The following PMPCA variants were observed in gnomAD, a reference collection of about 807,000 sequenced individuals.
PMPCA encodes the protein peptidase, mitochondrial processing subunit alpha.
A neutral mutation model predicts 59.3 loss-of-function variants in PMPCA; 47 were observed. The ratio of observed to expected loss-of-function variants is 0.79; its 90% CI spans 0.63 to 1.01. PMPCA has a LOEUF of 1.01. PMPCA is among the 50% of genes least tolerant of loss of function. PMPCA has a pLI of 0.00. For missense variants in PMPCA, 726 were observed against 704.5 expected, an observed-to-expected ratio of 1.03 and a Z score of -0.34; for synonymous variants, 338 against 290.3, an observed-to-expected ratio of 1.16 and a Z score of -1.67.
Position 136,412,843 on chromosome 9 carries a change from C to A in PMPCA, c.388C>A (p.Leu130Met). 6.2e-7 allele frequency: 1 copy of A among 1,609,592 alleles called. No individual in the cohort carries two copies. Among genetic ancestry groups the A allele is most frequent in the Non-Finnish European group, 8.5e-7 (1 of 1,175,928 alleles). The part of the protein sequence containing the change: ...TARFDSKDEI[L>M]LTLEKHGGIC... ...TCGATTTGACAGCAAAGATGAAATT[C>A]TGCTTACGTTGGAAAAGCATGGGGG... The change falls in exon 4 of 13, where the codon CTG becomes ATG. Residue 130 changes from leucine to methionine, a missense_variant. By Grantham distance (15) the Leu-to-Met change is conservative. Coordinates refer to ENST00000371717, the MANE Select transcript of PMPCA (RefSeq NM_015160.3).
At chr9:136,421,808 C>T (rs776213450) in intron 11 of PMPCA, 24 bp from the exon 12 acceptor site, 5 of 1,568,382 alleles carry the variant, frequency 3.2e-6, no homozygotes, top group African/African-American at 1.3e-5. Context: ...GGTGTGTGCT[C>T]ACCTGACTGG....
At position 136,416,873 on chromosome 9, in the gene PMPCA, G is replaced by A. The variant is rs745456517; in HGVS notation, c.634-78G>A. ...GATTTTCCCAGGGCTGGCTGCAGAT[G>A]GGCGCTGGTGCTGCTTGTTGGAGGA... is the stretch of plus-strand genomic sequence containing the variant. On this transcript the variant is annotated intron_variant, in intron 6 of 12. Coordinates refer to ENST00000371717, the MANE Select transcript of PMPCA (RefSeq NM_015160.3). The A allele has an allele frequency of 3.6e-6, 5 of 1,396,982 alleles. No homozygotes were observed. In the East Asian group the frequency reaches 9.3e-5, roughly 26 times the overall value. The allele number at this position is 1,396,982 out of a possible 1,614,324, so 86.5% of individuals were successfully genotyped here.
chr9:136,416,380 A>G lies in PMPCA; in HGVS notation c.622A>G (p.Met208Val), dbSNP rs1351789649. The G allele has an allele frequency of 7.4e-6, 12 of 1,611,206 alleles. No homozygotes were observed. Among genetic ancestry groups the G allele is most frequent in the Non-Finnish European group, 1.0e-5 (12 of 1,177,488 alleles). ...RPDPEPLLTE[M>V]IHEAAYRENT... ...TGACCCAGAGCCACTTCTCACCGAG[A>G]TGATTCATGAAGTAAAATGTCAAAC... is the stretch of plus-strand genomic sequence containing the variant. Residue 208 changes from methionine to valine, a missense_variant, in exon 6 of 13, where the codon ATG becomes GTG. Coordinates refer to ENST00000371717, the MANE Select transcript of PMPCA (RefSeq NM_015160.3).
chr9:136,413,986 T>C (rs1270091258), intron 4 of PMPCA, among the ~76,000 whole-genome samples: 1 of 152,232 alleles, frequency 6.6e-6, no homozygotes, highest in East Asian at 1.9e-4. Flanking sequence ...GCCTGTCCCA[T>C]GGGCCAGCTC....
chr9:136,414,494 G>A lies in PMPCA; in HGVS notation c.438-59G>A, dbSNP rs1835218212. On this transcript the variant is annotated intron_variant, in intron 4 of 12. Transcript: ENST00000371717. The stretch of plus-strand genomic sequence containing the variant: ...GGCACGCAAAGCCCGAGCGTCCCCT[G>A]GCTGTTAAGCAGAGTGTGAGTTCAG... 5 of 1,156,388 alleles carry A rather than the reference G, an allele frequency of 4.3e-6. No homozygotes were observed. The South Asian group carries it at 6.1e-5, about 14-fold the overall frequency. The allele number at this position is 1,156,388 out of a possible 1,614,324, so 71.6% of individuals were successfully genotyped here. A position where few individuals can be genotyped will look rare whatever the true frequency, so the allele number is the denominator to read the frequency against.
intron 7 of PMPCA, among the ~76,000 whole-genome samples, chr9:136,417,745 C>T (rs1003662510): frequency 6.6e-6 from 1 of 152,024 alleles, no homozygotes; most frequent in East Asian, 1.9e-4. Context: ...TAAGCCACCA[C>T]GCCCAGCTTA....
intron 4 of PMPCA, among the ~76,000 whole-genome samples, chr9:136,413,776 T>A (rs1308111444): frequency 6.6e-6 from 1 of 152,166 alleles, no homozygotes; most frequent in African/African-American, 2.4e-5. Flanking sequence ...AGGCTTTTGT[T>A]CTTGCCATTC....
At chr9:136,417,656 A>G (rs1054093813) in intron 7 of PMPCA, among the ~76,000 whole-genome samples, 23 of 151,624 alleles carry the variant, frequency 1.5e-4, no homozygotes, top group African/African-American at 4.1e-4. Flanking sequence ...GGGTTTCACT[A>G]TGTTGGCCAG....
intron 7 of PMPCA, 110 bp downstream of exon 7, chr9:136,417,324 G>A: frequency 1.1e-6 from 1 of 895,788 alleles, no homozygotes. Flanking sequence ...GACTGCATGT[G>A]TAGCTTTGCC....
At chr9:136,421,321 C>T (rs1027149811) in intron 11 of PMPCA, among the ~76,000 whole-genome samples, 3 of 151,964 alleles carry the variant, frequency 2.0e-5, no homozygotes, top group African/African-American at 7.3e-5. Flanking sequence ...TGGTAGAAGC[C>T]GGGTAACACG....
chr9:136,422,545 T>G, intron 12 of PMPCA: 1 of 1,014,590 alleles, frequency 9.9e-7, no homozygotes, highest in Non-Finnish European at 1.2e-6. Context: ...GGGCATCTCC[T>G]TTCCAGGCCT....
rs564252534 is a variant in PMPCA at position 136,422,883 on chromosome 9, C to T, written c.1409-212C>T. 1.0e-5 allele frequency: 14 copies of T among 1,384,526 alleles called. No individual in the cohort carries two copies. The African/African-American group carries it at 2.0e-4, about 20-fold the overall frequency. 85.8% of individuals were successfully genotyped at this position (1,384,526 alleles called of 1,614,324 possible). A position where few individuals can be genotyped will look rare whatever the true frequency, so the allele number is the denominator to read the frequency against. On this transcript the variant is annotated intron_variant, in intron 12 of 12. Coordinates refer to ENST00000371717, the MANE Select transcript of PMPCA (RefSeq NM_015160.3). ...TTGTCCTATATTTTTAAGTCATTGC[C>T]ATGTCCCCATTTACTGAGAACTCAA...
chr9:136,411,947 A>T, intron 1 of PMPCA, 50 bp from the exon 2 acceptor site: 1 of 1,080,048 alleles, frequency 9.3e-7, no homozygotes, highest in Non-Finnish European at 1.4e-6. Context: ...AGGTCATCAC[A>T]GGTTTGTTGT....
intron 7 of PMPCA, among the ~76,000 whole-genome samples, chr9:136,417,747 C>T (rs1279228050): frequency 6.6e-6 from 1 of 152,018 alleles, no homozygotes; most frequent in African/African-American, 2.4e-5. Context: ...AGCCACCACG[C>T]CCAGCTTATA....
chr9:136,412,476 C>G lies in PMPCA; in HGVS notation c.275-14C>G. On this transcript the variant is annotated splice_polypyrimidine_tract_variant and intron_variant, in intron 2 of 12. Coordinates refer to ENST00000371717, the MANE Select transcript of PMPCA (RefSeq NM_015160.3). ...ATATCTGATGTAACCTGTCAATTTT[C>G]TTTTTACTACTAGTTCTTATCAATT... 7.6e-7 allele frequency: 1 copy of G among 1,315,778 alleles called. No homozygotes were observed. Among genetic ancestry groups the G allele is most frequent in the South Asian group, 1.2e-5 (1 of 80,186 alleles). 81.5% of individuals were successfully genotyped at this position (1,315,778 alleles called of 1,614,324 possible). A position where few individuals can be genotyped will look rare whatever the true frequency, so the allele number is the denominator to read the frequency against.
intron 6 of PMPCA, chr9:136,416,637 G>T (rs1304915251): frequency 1.7e-6 from 1 of 604,634 alleles, no homozygotes; most frequent in Non-Finnish European, 3.0e-6. Flanking sequence ...GTGAGTCACC[G>T]CACTCAGCTT....
rs771285196 is a variant in PMPCA at position 136,410,703 on chromosome 9, T to C, written c.35T>C (p.Leu12Pro). 2.1e-6 allele frequency: 3 copies of C among 1,419,500 alleles called. No homozygotes were observed. Among genetic ancestry groups the C allele is most frequent in the Admixed American group, 3.0e-5 (1 of 33,338 alleles). 87.9% of individuals were successfully genotyped at this position (1,419,500 alleles called of 1,614,324 possible). A position where few individuals can be genotyped will look rare whatever the true frequency, so the allele number is the denominator to read the frequency against. The change falls in exon 1 of 13, where the codon CTG becomes CCG. Residue 12 changes from leucine to proline, a missense_variant. By Grantham distance (98) the Leu-to-Pro change is moderately conservative (BLOSUM62 -3). Transcript: ENST00000371717. ...AAVVLAATRL[L>P]RGSGSWGCSR... is the part of the protein sequence containing the mutation. ...GTGGTGCTGGCGGCGACGCGGTTGC[T>C]GCGGGGCTCGGGTTCTTGGGGCTGT...
At chr9:136,414,445 C>A in intron 4 of PMPCA, 108 bp from the exon 5 acceptor site, 2 of 750,296 alleles carry the variant, frequency 2.7e-6, no homozygotes, top group Admixed American at 1.8e-5. Context: ...AGAGTGTGAG[C>A]TCAGGGCCTG....
chr9:136,417,645 G>A (rs1835319240), intron 7 of PMPCA, among the ~76,000 whole-genome samples: 1 of 152,016 alleles, frequency 6.6e-6, no homozygotes, highest in Non-Finnish European at 1.5e-5. Context: ...GTATAGAGAT[G>A]GGGTTTCACT....
Sources: allele counts gnomAD v4.1 joint callset (sites outside exome capture counted in the v4.1 genomes callset), GRCh38; gene constraint gnomAD v4.1.1; transcripts MANE v1.5; gene names NCBI Gene and HGNC (gene_info 2026-07-23, HGNC 2026-07-21).